Variants in SSBP3 observed in about 807,000 individuals in gnomAD.
The protein encoded by SSBP3 is single stranded DNA binding protein 3.
In SSBP3, 5 loss-of-function variants were observed where a neutral mutation model predicts 69.6. That is an observed-to-expected ratio of 0.07 (90% CI 0.04 to 0.15). SSBP3 has a LOEUF of 0.15. Among genes scored for constraint, SSBP3 ranks in the 10% least tolerant of loss-of-function variants. SSBP3 has a pLI of 1.00. For missense variants in SSBP3, 312 were observed against 534.0 expected (o/e 0.58, Z 4.10); for synonymous variants, 196 against 193.4 (o/e 1.01, Z -0.11).
chr1:54,341,060 G>A (rs994630580), intron 4 of SSBP3, among the ~76,000 whole-genome samples: 5 of 152,178 alleles, frequency 3.3e-5, no homozygotes, highest in Non-Finnish European at 5.9e-5. Flanking sequence ...AAACTGAGTC[G>A]CTCTCCAGGC....
chr1:54,340,492 CA>C (rs754845906), intron 4 of SSBP3, among the ~76,000 whole-genome samples: 4 of 152,230 alleles, frequency 2.6e-5, no homozygotes, highest in Non-Finnish European at 5.9e-5. Context: ...GAGGGAGGGA[CA>C]AAAGGGCCAA....
At chr1:54,371,720 C>T (rs138237975) in intron 4 of SSBP3, among the ~76,000 whole-genome samples, 126 of 152,324 alleles carry the variant, frequency 8.3e-4, no homozygotes, top group Middle Eastern at 6.8e-3. Context: ...TGTGCATGTG[C>T]CGGTGCTGCA....
At chr1:54,386,918 C>T (rs1335255154) in intron 4 of SSBP3, among the ~76,000 whole-genome samples, 6 of 151,892 alleles carry the variant, frequency 4.0e-5, no homozygotes, top group African/African-American at 1.2e-4. Context: ...ACTTACTACT[C>T]AACAGGAGTC....
intron 7 of SSBP3, among the ~76,000 whole-genome samples, chr1:54,253,823 T>C (rs762409695): frequency 4.9e-4 from 75 of 152,164 alleles, no homozygotes; most frequent in Non-Finnish European, 9.4e-4. Flanking sequence ...AGTGCAGCCA[T>C]GGGGCTTGGC....
intron 4 of SSBP3, among the ~76,000 whole-genome samples, chr1:54,316,466 C>G (rs1438815478): frequency 6.8e-6 from 1 of 146,384 alleles, no homozygotes; most frequent in Non-Finnish European, 1.5e-5. Flanking sequence ...GGTGAAACCC[C>G]GTCTCTACTA....
In SSBP3 at chr1:54,328,700, T is replaced by TA. The variant is rs573621526; in HGVS notation, c.277-47174dup. ...CAGCCATGTTGCCAAGGCGCCTTTA[T>TA]AAAAAGCCATCACACAATGACAACC... On this transcript the variant is annotated intron_variant, in intron 4 of 17. Coordinates refer to ENST00000610401, the Ensembl canonical transcript of SSBP3. 1.1e-3 allele frequency among the ~76,000 whole-genome samples: 164 copies of TA among 152,340 alleles called. 4 individuals carry two copies. In the South Asian group the frequency reaches 0.027, roughly 25 times the overall value.
chr1:54,249,692 CT>C (rs1309106055), intron 9 of SSBP3, among the ~76,000 whole-genome samples: 4 of 140,870 alleles, frequency 2.8e-5, no homozygotes, highest in Non-Finnish European at 4.6e-5. Flanking sequence ...AACAATAAAA[CT>C]TTTTTTATTT....
chr1:54,406,426 G>A (rs1344886567), upstream of SSBP3: 19 of 153,468 alleles, frequency 1.2e-4, no homozygotes, highest in East Asian at 1.9e-4. Flanking sequence ...GGCTACCCGG[G>A]CGAGGGAGCG....
intron 4 of SSBP3, among the ~76,000 whole-genome samples, chr1:54,368,315 CT>C (rs1417609109): frequency 6.6e-6 from 1 of 150,414 alleles, no homozygotes; most frequent in Non-Finnish European, 1.5e-5. Context: ...AAAAGAAAAC[CT>C]TAATGACATG....
At chr1:54,388,464 T>C (rs940406390) in intron 4 of SSBP3, among the ~76,000 whole-genome samples, 9 of 152,188 alleles carry the variant, frequency 5.9e-5, no homozygotes, top group Admixed American at 2.0e-4. Flanking sequence ...CAGTAAATGG[T>C]GGTCACTGCT....
At chr1:54,243,511 C>T (rs146155582) in intron 9 of SSBP3, among the ~76,000 whole-genome samples, 278 of 152,316 alleles carry the variant, frequency 1.8e-3, no homozygotes, top group Non-Finnish European at 3.5e-3. Flanking sequence ...ACAGTCACAA[C>T]ATTCAGTGCA....
At chr1:54,343,550 C>T (rs1646643323) in intron 4 of SSBP3, among the ~76,000 whole-genome samples, 1 of 152,236 alleles carries the variant, frequency 6.6e-6, no homozygotes, top group Admixed American at 6.5e-5. Context: ...AGGTCTGCCT[C>T]TGAAGGGGAT....
chr1:54,393,960 A>G (rs1454397598), intron 4 of SSBP3, among the ~76,000 whole-genome samples: 1 of 152,096 alleles, frequency 6.6e-6, no homozygotes, highest in African/African-American at 2.4e-5. Flanking sequence ...GAGTTTCATC[A>G]TGTTGGCCAG....
intron 5 of SSBP3, among the ~76,000 whole-genome samples, chr1:54,271,360 G>A (rs990532286): frequency 2.6e-5 from 4 of 152,126 alleles, no homozygotes; most frequent in East Asian, 3.8e-4. Context: ...CTCCTGCCTC[G>A]GCCTCTCAAA....
intron 4 of SSBP3, among the ~76,000 whole-genome samples, chr1:54,290,138 A>G (rs925947636): frequency 2.6e-5 from 4 of 152,170 alleles, no homozygotes; most frequent in African/African-American, 9.7e-5. Flanking sequence ...CTCTGATACA[A>G]ATTTCAGAAT....
chr1:54,359,275 G>C (rs1646916668), intron 4 of SSBP3, among the ~76,000 whole-genome samples: 1 of 150,388 alleles, frequency 6.6e-6, no homozygotes, highest in Non-Finnish European at 1.5e-5. Context: ...GGTAATACCT[G>C]GAACACAGAT....
chr1:54,339,892 C>T (rs1218971034), intron 4 of SSBP3, among the ~76,000 whole-genome samples: 2 of 151,120 alleles, frequency 1.3e-5, no homozygotes, highest in Non-Finnish European at 2.9e-5. Context: ...CCAGCACGGG[C>T]AAAAAAGCAA....
intron 5 of SSBP3, among the ~76,000 whole-genome samples, chr1:54,268,109 C>G (rs968347437): frequency 1.3e-5 from 2 of 152,232 alleles, no homozygotes; most frequent in African/African-American, 4.8e-5. Context: ...ACCCCTCTCT[C>G]TCCCTGACCT....
At position 54,294,070 on chromosome 1, in the gene SSBP3, G is replaced by A. The variant is rs911648974; in HGVS notation, c.277-12543C>T. On this transcript the variant is annotated intron_variant, in intron 4 of 17. Transcript: ENST00000610401. Reference sequence around the variant, plus strand: ...TGGGAGAATCCCTTGAACCCAGGAGGCGGAGGTTGCAGCAGTGAGCCGAGA... The same window carrying A: ...TGGGAGAATCCCTTGAACCCAGGAGACGGAGGTTGCAGCAGTGAGCCGAGA... Among the ~76,000 whole-genome samples the A allele has an allele frequency of 2.0e-5, 3 of 147,358 alleles. No individual in the cohort carries two copies. In the East Asian group the frequency reaches 6.4e-4, roughly 31 times the overall value.
Sources: allele counts gnomAD v4.1 joint callset (sites outside exome capture counted in the v4.1 genomes callset), GRCh38; gene constraint gnomAD v4.1.1; transcripts MANE v1.5; gene names NCBI Gene and HGNC (gene_info 2026-07-23, HGNC 2026-07-21).